Variants in CMSS1 observed in about 807,000 individuals in gnomAD.
CMSS1 encodes the protein protein CMSS1.
A neutral mutation model predicts 43.5 loss-of-function variants in CMSS1; 33 were observed. That is an observed-to-expected ratio of 0.76 (90% CI 0.57 to 1.01). The LOEUF (loss-of-function observed/expected upper bound fraction) is 1.01, where lower values mean the gene tolerates loss of function less well. Among genes scored for constraint, CMSS1 ranks in the 50% least tolerant of loss-of-function variants. CMSS1 has a pLI of 0.00. For synonymous variants in CMSS1, 115 were observed against 117.2 expected (o/e 0.98, Z 0.12); for missense variants, 313 against 326.4 (o/e 0.96, Z 0.32).
chr3:99,989,673 TA>T (rs1709454023), intron 1 of CMSS1, among the ~76,000 whole-genome samples: 1 of 142,596 alleles, frequency 7.0e-6, no homozygotes, highest in African/African-American at 2.7e-5. Context: ...TCTATATATA[TA>T]TATATATATA....
intron 1 of CMSS1, among the ~76,000 whole-genome samples, chr3:100,122,444 A>C (rs1182561501): frequency 6.6e-6 from 1 of 152,224 alleles, no homozygotes; most frequent in African/African-American, 2.4e-5. Flanking sequence ...CAACTCCATG[A>C]TTTGGCAGCC....
At chr3:99,977,817 G>C (rs751137360) in intron 1 of CMSS1, among the ~76,000 whole-genome samples, 1 of 152,010 alleles carries the variant, frequency 6.6e-6, no homozygotes, top group Admixed American at 6.6e-5. Flanking sequence ...CTAAACCTAG[G>C]CAGTCATTTA....
intron 1 of CMSS1, among the ~76,000 whole-genome samples, chr3:100,129,977 T>C (rs532477441): frequency 9.6e-4 from 146 of 152,310 alleles, no homozygotes; most frequent in African/African-American, 3.4e-3. Flanking sequence ...CTGAAATGAC[T>C]CTGTATATAT....
chr3:100,145,990 A>C (rs924679862), intron 1 of CMSS1, among the ~76,000 whole-genome samples: 2 of 152,268 alleles, frequency 1.3e-5, no homozygotes, highest in Non-Finnish European at 2.9e-5. Context: ...CACAGGCTTA[A>C]CAAAATGGTT....
chr3:99,948,083 A>G (rs1005764361), intron 1 of CMSS1, among the ~76,000 whole-genome samples: 4 of 152,254 alleles, frequency 2.6e-5, no homozygotes, highest in Admixed American at 1.3e-4. Context: ...TCTGATTTAT[A>G]GAGTATGTCA....
At chr3:100,008,850 G>A (rs1362988814) in intron 1 of CMSS1, among the ~76,000 whole-genome samples, 1 of 152,188 alleles carries the variant, frequency 6.6e-6, no homozygotes, top group East Asian at 1.9e-4. Context: ...ACTAGATGCA[G>A]CAAAGTGATT....
intron 1 of CMSS1, among the ~76,000 whole-genome samples, chr3:99,946,539 A>G (rs1457464813): frequency 2.0e-5 from 3 of 152,258 alleles, no homozygotes; most frequent in Non-Finnish European, 4.4e-5. Context: ...CTGCAGCTAA[A>G]GAATGGGCTG....
chr3:99,879,737 T>C (rs1705657323), intron 1 of CMSS1, among the ~76,000 whole-genome samples: 2 of 152,228 alleles, frequency 1.3e-5, no homozygotes, highest in South Asian at 2.1e-4. Context: ...GTATATGACA[T>C]GTTTGCTTCT....
chr3:100,158,057 G>T (rs571599077), intron 2 of CMSS1, among the ~76,000 whole-genome samples: 1 of 152,228 alleles, frequency 6.6e-6, no homozygotes, highest in South Asian at 2.1e-4. Context: ...TTTCCAAAAA[G>T]TTGTTGAAAT....
At position 99,930,555 on chromosome 3, in the gene CMSS1, A is replaced by G. The variant is rs557415895; in HGVS notation, c.64+112512A>G. Among the ~76,000 whole-genome samples the G allele has an allele frequency of 2.4e-4, 36 of 152,310 alleles. No individual in the cohort carries two copies. In the South Asian group the frequency reaches 3.9e-3, roughly 17 times the overall value. On this transcript the variant is annotated intron_variant, in intron 1 of 9. Transcript: ENST00000421999. ...GAGGATGTGACCTTTCACGACCTGT[A>G]TGCCAATCACATGTCATCATGACAG... is the stretch of plus-strand genomic sequence containing the variant.
intron 1 of CMSS1, chr3:99,924,089 CA>C: frequency 1.4e-6 from 1 of 740,114 alleles, no homozygotes; most frequent in Non-Finnish European, 2.3e-6. Flanking sequence ...TGTCTTCAAA[CA>C]TATCCTTTTC....
intron 6 of CMSS1, among the ~76,000 whole-genome samples, chr3:100,171,331 A>G (rs2067108157): frequency 6.6e-6 from 1 of 152,112 alleles, no homozygotes; most frequent in South Asian, 2.1e-4. Context: ...CTGTGATAGA[A>G]GGATAGAAGC....
intron 1 of CMSS1, chr3:100,114,650 C>G: frequency 4.5e-6 from 1 of 224,488 alleles, no homozygotes; most frequent in Non-Finnish European, 8.7e-6. Flanking sequence ...AGAGTAGAAA[C>G]TTCCCAAGCA....
intron 1 of CMSS1, chr3:99,931,008 CTCTGGAACGCAT>C: frequency 6.2e-7 from 1 of 1,613,504 alleles, no homozygotes; most frequent in African/African-American, 1.3e-5. Flanking sequence ...GTATCACTGC[CTCTGGAACGCAT>C]TCTTTAAAGC....
intron 1 of CMSS1, chr3:99,929,733 G>T (rs903007093): frequency 2.7e-5 from 17 of 633,536 alleles, no homozygotes; most frequent in Non-Finnish European, 3.8e-5. Flanking sequence ...TCTGTTTTGT[G>T]TAGGCTTTAA....
chr3:99,847,927 G>A, intron 1 of CMSS1: 1 of 993,428 alleles, frequency 1.0e-6, no homozygotes, highest in Non-Finnish European at 1.2e-6. Context: ...GCAAGCAATG[G>A]TAAAAATAAC....
intron 1 of CMSS1, among the ~76,000 whole-genome samples, chr3:100,134,581 G>A (rs998809819): frequency 3.3e-5 from 5 of 152,098 alleles, no homozygotes; most frequent in East Asian, 1.9e-4. Context: ...TAAACCAGAT[G>A]GGATATAGGG....
intron 1 of CMSS1, among the ~76,000 whole-genome samples, chr3:99,891,745 A>G (rs1194976460): frequency 6.6e-6 from 1 of 152,224 alleles, no homozygotes; most frequent in Non-Finnish European, 1.5e-5. Flanking sequence ...TTAACCCAGT[A>G]CAGATTTACA....
rs149496004 is a variant in CMSS1 at position 100,038,140 on chromosome 3, G to C, written c.65-108833G>C. On this transcript the variant is annotated intron_variant, in intron 1 of 9. Transcript: ENST00000421999. ...CCAGCTAATTTTTGTATTTTTAGTA[G>C]AGACAGAGTTTCACCATACTGGCCA... 4.6e-3 allele frequency among the ~76,000 whole-genome samples: 706 copies of C among 152,072 alleles called. 2 individuals carry two copies. Among genetic ancestry groups the C allele is most frequent in the South Asian group, 7.0e-3 (34 of 4,828 alleles).
Sources: gnomAD v4.1 joint callset for allele counts (sites outside exome capture counted in the v4.1 genomes callset) on GRCh38, gnomAD v4.1.1 for gene constraint, MANE v1.5 for transcripts, NCBI Gene and HGNC (gene_info 2026-07-23, HGNC 2026-07-21) for gene names.